CPED1: variants seen among roughly 807,000 people sequenced by gnomAD.
CPED1 encodes cadherin-like and PC-esterase domain-containing protein 1.
Under a neutral mutation model 128.2 loss-of-function variants are expected in CPED1, and 114 were observed. That is an observed-to-expected ratio of 0.89 (90% CI 0.76 to 1.04). The LOEUF is 1.04. Ranked by LOEUF, CPED1 falls within the 50% of genes least tolerant of loss-of-function variation. The pLI is 0.00. For missense variants in CPED1, 1,211 were observed against 1,207.1 expected, an observed-to-expected ratio of 1.00 and a Z score of -0.05; for synonymous variants, 462 against 426.7, an observed-to-expected ratio of 1.08 and a Z score of -1.02.
intron 21 of CPED1, among the ~76,000 whole-genome samples, chr7:121,270,735 T>C (rs1176837275): frequency 1.3e-5 from 2 of 152,132 alleles, no homozygotes; most frequent in Non-Finnish European, 2.9e-5. Flanking sequence ...TTGGTCTATG[T>C]GTCTGTTTTT....
chr7:121,279,740 A>T (rs1372509580), intron 22 of CPED1, among the ~76,000 whole-genome samples: 1 of 152,182 alleles, frequency 6.6e-6, no homozygotes, highest in Non-Finnish European at 1.5e-5. Flanking sequence ...CTATATCATC[A>T]CATACAATAT....
chr7:121,050,924 G>T, intron 4 of CPED1: 1 of 488,938 alleles, frequency 2.0e-6, no homozygotes, highest in South Asian at 1.5e-5. Flanking sequence ...CAAGAAGAAG[G>T]TCATGAAGGG....
At chr7:121,119,510 A>G (rs2116297171) in intron 7 of CPED1, among the ~76,000 whole-genome samples, 1 of 148,082 alleles carries the variant, frequency 6.8e-6, no homozygotes, top group South Asian at 2.3e-4. Context: ...ATTCTGAGGT[A>G]TTTGGGTTAC....
intron 3 of CPED1, among the ~76,000 whole-genome samples, chr7:121,025,555 T>A (rs1364813256): frequency 2.6e-5 from 4 of 152,176 alleles, no homozygotes; most frequent in African/African-American, 9.7e-5. Context: ...ATGAAATGCA[T>A]GAGCCGTAGT....
intron 16 of CPED1, among the ~76,000 whole-genome samples, chr7:121,169,864 A>C (rs1796610521): frequency 6.6e-6 from 1 of 152,164 alleles, no homozygotes; most frequent in Admixed American, 6.5e-5. Context: ...CGTTGAAGGA[A>C]CTGTGTTTGG....
At chr7:121,145,477 C>T (rs377589245) in intron 16 of CPED1, among the ~76,000 whole-genome samples, 32 of 152,124 alleles carry the variant, frequency 2.1e-4, no homozygotes, top group Admixed American at 5.2e-4. Context: ...TATTTTATAA[C>T]ATGGAAAATT....
At chr7:121,103,159 ATCTCC>A (rs1794895528) in intron 7 of CPED1, among the ~76,000 whole-genome samples, 1 of 152,082 alleles carries the variant, frequency 6.6e-6, no homozygotes, top group South Asian at 2.1e-4. Flanking sequence ...TTCATTCACT[ATCTCC>A]TTTCTTATTC....
intron 5 of CPED1, among the ~76,000 whole-genome samples, chr7:121,081,811 T>G (rs936841668): frequency 7.2e-5 from 11 of 152,164 alleles, no homozygotes; most frequent in African/African-American, 2.4e-4. Context: ...TTTATAGATG[T>G]TACCCTAAAA....
In CPED1 at chr7:121,048,445, T is replaced by A. The variant is rs576091325; in HGVS notation, c.540+1452T>A. ...CCTAAGATAGAAGGGCCATCACCCTTGAGCCCTTCCTTCCTCTTCCTTGGC... is the reference window on the plus strand; with the variant it reads ...CCTAAGATAGAAGGGCCATCACCCTAGAGCCCTTCCTTCCTCTTCCTTGGC... On this transcript the variant is annotated intron_variant, in intron 4 of 22. Transcript: ENST00000310396. Among the ~76,000 whole-genome samples, 3 of 152,352 alleles carry A rather than the reference T, an allele frequency of 2.0e-5. No individual in the cohort carries two copies. In the East Asian group the frequency reaches 5.8e-4, roughly 29 times the overall value.
chr7:121,109,145 T>A (rs74405429), intron 7 of CPED1, among the ~76,000 whole-genome samples: 3 of 152,194 alleles, frequency 2.0e-5, no homozygotes, highest in Non-Finnish European at 4.4e-5. Context: ...AACTGAAAAT[T>A]TGTGTTTTAT....
intron 3 of CPED1, among the ~76,000 whole-genome samples, chr7:121,045,756 G>A (rs1167082426): frequency 6.6e-6 from 1 of 151,978 alleles, no homozygotes; most frequent in African/African-American, 2.4e-5. Context: ...TTTTAAATTG[G>A]ATTTTCATCC....
intron 16 of CPED1, among the ~76,000 whole-genome samples, chr7:121,150,927 C>A (rs1796144001): frequency 6.6e-6 from 1 of 152,190 alleles, no homozygotes; most frequent in Admixed American, 6.5e-5. Flanking sequence ...TGCCACCACA[C>A]CCGGCTAATT....
At chr7:121,220,394 T>G (rs1350493192) in intron 16 of CPED1, among the ~76,000 whole-genome samples, 1 of 152,018 alleles carries the variant, frequency 6.6e-6, no homozygotes, top group East Asian at 1.9e-4. Context: ...TTATGTTTCC[T>G]TGGATAAACT....
chr7:121,040,516 C>A (rs969628538), intron 3 of CPED1, among the ~76,000 whole-genome samples: 2 of 152,030 alleles, frequency 1.3e-5, no homozygotes, highest in African/African-American at 4.8e-5. Context: ...TCCAACTAAT[C>A]TTGTAGTGGA....
chr7:121,216,715 A>G (rs1276639741), intron 16 of CPED1, among the ~76,000 whole-genome samples: 1 of 152,038 alleles, frequency 6.6e-6, no homozygotes, highest in African/African-American at 2.4e-5. Flanking sequence ...AATCACCTAT[A>G]GCCAAAAAGA....
intron 16 of CPED1, among the ~76,000 whole-genome samples, chr7:121,196,444 C>T (rs1047148175): frequency 2.0e-5 from 3 of 152,106 alleles, no homozygotes; most frequent in African/African-American, 7.2e-5. Context: ...ATAAAACTCT[C>T]TTCTCTGATT....
intron 16 of CPED1, among the ~76,000 whole-genome samples, chr7:121,211,892 T>C (rs1210550971): frequency 1.3e-5 from 2 of 152,028 alleles, no homozygotes; most frequent in African/African-American, 4.8e-5. Flanking sequence ...GTTCAGGAAA[T>C]AATGAGCTAA....
At chr7:121,066,599 A>C (rs947262084) in intron 5 of CPED1, among the ~76,000 whole-genome samples, 1 of 70,128 alleles carries the variant, frequency 1.4e-5, no homozygotes, top group African/African-American at 3.5e-5. Flanking sequence ...TCGGTCAAAA[A>C]CTGTGAAGAT....
intron 16 of CPED1, among the ~76,000 whole-genome samples, chr7:121,172,221 T>C (rs1796662542): frequency 6.6e-6 from 1 of 152,182 alleles, no homozygotes; most frequent in Non-Finnish European, 1.5e-5. Flanking sequence ...CGGTATCTTA[T>C]AGCTTGAATG....
Sources: allele counts gnomAD v4.1 joint callset (sites outside exome capture counted in the v4.1 genomes callset), GRCh38; gene constraint gnomAD v4.1.1; transcripts MANE v1.5; gene names NCBI Gene and HGNC (gene_info 2026-07-23, HGNC 2026-07-21).